CCDC3: variants seen among roughly 807,000 people sequenced by gnomAD.
CCDC3 encodes the protein coiled-coil domain containing 3.
In CCDC3, 24 loss-of-function variants were observed where a neutral mutation model predicts 21.4. The observed-to-expected ratio is 1.12, with a 90% CI of 0.81 to 1.58. CCDC3 has a LOEUF of 1.58. CCDC3 is among the 40% of genes most tolerant of loss of function. The pLI is 0.00. For synonymous variants in CCDC3, 186 were observed against 166.0 expected (o/e 1.12, Z -0.93); for missense variants, 425 against 360.9 (o/e 1.18, Z -1.44).
At chr10:12,988,221 G>A (rs796699662) in intron 2 of CCDC3, among the ~76,000 whole-genome samples, 4 of 152,062 alleles carry the variant, frequency 2.6e-5, no homozygotes, top group Non-Finnish European at 5.9e-5. Context: ...TCACCTTGGG[G>A]CCAATTGCAA....
At chr10:12,985,105 AT>A (rs921438998) in intron 2 of CCDC3, among the ~76,000 whole-genome samples, 3 of 152,122 alleles carry the variant, frequency 2.0e-5, no homozygotes, top group Non-Finnish European at 4.4e-5. Context: ...AAAGCTATAG[AT>A]TTTTTTTAAA....
At chr10:12,955,292 A>C (rs1419599812) in intron 2 of CCDC3, among the ~76,000 whole-genome samples, 2 of 152,204 alleles carry the variant, frequency 1.3e-5, no homozygotes, top group Non-Finnish European at 2.9e-5. Flanking sequence ...GACATATCTA[A>C]CTTGGGCAAC....
rs75811243 is a variant in CCDC3 at position 12,958,596 on chromosome 10, G to A, written c.549+39742C>T. ...AGGCCTGGTCTTGACTCAATTGTAG[G>A]GGCAGAAACTCAGCTCAAAACTTCC... is the stretch of plus-strand genomic sequence containing the variant. On this transcript the variant is annotated intron_variant, in intron 2 of 2. Coordinates refer to ENST00000378825, the MANE Select transcript of CCDC3 (RefSeq NM_031455.4). Among the ~76,000 whole-genome samples the A allele has an allele frequency of 3.0e-3, 463 of 152,272 alleles. 3 individuals are homozygous for A. Among genetic ancestry groups the A allele is most frequent in the African/African-American group, 0.01 (421 of 41,552 alleles).
At chr10:12,988,285 T>A (rs1172187594) in intron 2 of CCDC3, among the ~76,000 whole-genome samples, 2 of 152,196 alleles carry the variant, frequency 1.3e-5, no homozygotes, top group Admixed American at 6.5e-5. Context: ...TATGGCTGGT[T>A]CTGTGTCCTT....
At chr10:12,951,586 A>G (rs970269390) in intron 2 of CCDC3, among the ~76,000 whole-genome samples, 1 of 152,090 alleles carries the variant, frequency 6.6e-6, no homozygotes, top group Non-Finnish European at 1.5e-5. Context: ...CGGGTGGATC[A>G]CAAGGTCAGG....
intron 2 of CCDC3, among the ~76,000 whole-genome samples, chr10:12,948,148 G>C (rs1222406154): frequency 1.3e-5 from 2 of 152,036 alleles, no homozygotes; most frequent in Non-Finnish European, 2.9e-5. Context: ...AGTCCCACGA[G>C]ATCTGATGGT....
At chr10:12,921,406 C>T (rs1192298173) in intron 2 of CCDC3, among the ~76,000 whole-genome samples, 1 of 152,220 alleles carries the variant, frequency 6.6e-6, no homozygotes, top group Admixed American at 6.5e-5. Flanking sequence ...GCCTGTGCAA[C>T]TTCAGCAGCC....
chr10:13,037,559 C>A (rs371338713), intron 5 of CCDC3, among the ~76,000 whole-genome samples: 1 of 152,068 alleles, frequency 6.6e-6, no homozygotes, highest in African/African-American at 2.4e-5. Context: ...TTTCTTTCCA[C>A]GCCACTGGGT....
At chr10:12,933,158 C>A (rs1834677211) in intron 2 of CCDC3, among the ~76,000 whole-genome samples, 1 of 152,012 alleles carries the variant, frequency 6.6e-6, no homozygotes. Flanking sequence ...TAGGGGAGTG[C>A]TGGCTTGTAG....
intron 2 of CCDC3, among the ~76,000 whole-genome samples, chr10:12,946,190 C>T (rs1202361896): frequency 6.6e-6 from 1 of 152,178 alleles, no homozygotes; most frequent in East Asian, 1.9e-4. Flanking sequence ...GACTTGATGT[C>T]ATGGCTTGTG....
At chr10:13,096,143 A>C (rs642347) in intron 3 of CCDC3, among the ~76,000 whole-genome samples, 148,741 of 150,038 alleles carry the variant, frequency 0.99, 73,734 homozygotes, top group Middle Eastern at 1. Flanking sequence ...TTCTCTCTCT[A>C]CTTCCTTCCT....
intron 2 of CCDC3, among the ~76,000 whole-genome samples, chr10:12,955,086 T>C (rs1835063121): frequency 1.3e-5 from 2 of 152,330 alleles, no homozygotes; most frequent in African/African-American, 4.8e-5. Flanking sequence ...GTTTTTGTCA[T>C]GAATAATCAT....
intron 2 of CCDC3, among the ~76,000 whole-genome samples, chr10:12,915,152 A>G (rs761873632): frequency 8.5e-5 from 13 of 152,166 alleles, no homozygotes; most frequent in Non-Finnish European, 1.9e-4. Flanking sequence ...CAAAATCCTT[A>G]TAACAGGAAG....
intron 2 of CCDC3, among the ~76,000 whole-genome samples, chr10:12,963,724 C>A (rs148578215): frequency 6.6e-6 from 1 of 151,908 alleles, no homozygotes; most frequent in Non-Finnish European, 1.5e-5. Context: ...GGAATACAGG[C>A]GTGCACCACC....
chr10:13,004,202 C>G (rs1055369646), upstream of CCDC3, among the ~76,000 whole-genome samples: 4 of 152,292 alleles, frequency 2.6e-5, no homozygotes, highest in South Asian at 8.3e-4. Flanking sequence ...AAAGCACACA[C>G]AGTAAGTACA....
At chr10:12,937,461 G>C (rs988713315) in intron 2 of CCDC3, among the ~76,000 whole-genome samples, 1 of 152,146 alleles carries the variant, frequency 6.6e-6, no homozygotes, top group Non-Finnish European at 1.5e-5. Flanking sequence ...TCAATGTACT[G>C]TGTTTTTTGC....
intron 4 of CCDC3, among the ~76,000 whole-genome samples, chr10:13,063,855 G>A (rs762068586): frequency 6.6e-6 from 1 of 152,158 alleles, no homozygotes; most frequent in Non-Finnish European, 1.5e-5. Flanking sequence ...TTTATCCCGA[G>A]GAAGATTTTA....
chr10:13,077,383 T>G (rs1028217373), intron 3 of CCDC3, among the ~76,000 whole-genome samples: 4 of 152,184 alleles, frequency 2.6e-5, no homozygotes, highest in Non-Finnish European at 5.9e-5. Flanking sequence ...TGGAAGAACA[T>G]TCCATGCTCA....
intron 2 of CCDC3, among the ~76,000 whole-genome samples, chr10:12,937,995 T>C (rs181821059): frequency 2.0e-5 from 3 of 152,198 alleles, no homozygotes; most frequent in Admixed American, 2.0e-4. Flanking sequence ...CCCAGCATCC[T>C]CCAAAATCCC....
Sources: allele counts gnomAD v4.1 joint callset (sites outside exome capture counted in the v4.1 genomes callset), GRCh38; gene constraint gnomAD v4.1.1; transcripts MANE v1.5; gene names NCBI Gene and HGNC (gene_info 2026-07-23, HGNC 2026-07-21).